IL1RAPL1: variants seen among roughly 807,000 people sequenced by gnomAD.
The protein encoded by IL1RAPL1 is interleukin 1 receptor accessory protein like 1, also known as interleukin-1 receptor accessory protein-like 1.
IL1RAPL1 carries 3 observed loss-of-function variants against 48.4 expected under a neutral mutation model. The ratio of observed to expected loss-of-function variants is 0.06; its 90% CI spans 0.03 to 0.16. The LOEUF (loss-of-function observed/expected upper bound fraction) is 0.16, where lower values mean the gene tolerates loss of function less well. IL1RAPL1 is among the 10% of genes least tolerant of loss of function. The pLI, the probability that IL1RAPL1 is intolerant of heterozygous loss-of-function variation, is 1.00. For missense variants in IL1RAPL1, 349 were observed against 530.6 expected, an observed-to-expected ratio of 0.66 and a Z score of 3.36; for synonymous variants, 185 against 187.7, an observed-to-expected ratio of 0.99 and a Z score of 0.12.
At chrX:29,523,226 A>G (rs1935520294) in intron 5 of IL1RAPL1, among the ~76,000 whole-genome samples, 1 of 111,464 alleles carries the variant, frequency 9.0e-6, no homozygotes, top group African/African-American at 3.3e-5. Context: ...ACACACGTTC[A>G]CATAGCTTTT....
chrX:29,154,513 C>T (rs1223506578), intron 2 of IL1RAPL1, among the ~76,000 whole-genome samples: 1 of 108,845 alleles, frequency 9.2e-6, no homozygotes, highest in East Asian at 2.9e-4. Flanking sequence ...GCACTCCAGC[C>T]TGAGTGACAG....
chrX:28,705,087 G>T (rs921153657), intron 1 of IL1RAPL1, among the ~76,000 whole-genome samples: 1 of 111,762 alleles, frequency 8.9e-6, no homozygotes, highest in African/African-American at 3.3e-5. Flanking sequence ...GGTATAGTGA[G>T]ATGTGTGGTT....
chrX:29,184,202 T>A (rs990474808), intron 2 of IL1RAPL1, among the ~76,000 whole-genome samples: 1 of 111,450 alleles, frequency 9.0e-6, no homozygotes, highest in African/African-American at 3.3e-5. Flanking sequence ...CCATTTCTCA[T>A]TTCTAGCCCA....
intron 1 of IL1RAPL1, among the ~76,000 whole-genome samples, chrX:28,625,727 A>C (rs1452283641): frequency 2.0e-5 from 2 of 97,712 alleles, no homozygotes; most frequent in Non-Finnish European, 4.1e-5. Context: ...CAAAGGAGCT[A>C]ATCAAAATGC....
At chrX:28,887,581 GT>G (rs1220884283) in intron 2 of IL1RAPL1, among the ~76,000 whole-genome samples, 1 of 111,110 alleles carries the variant, frequency 9.0e-6, no homozygotes, top group East Asian at 2.8e-4. Context: ...TCTGAATATA[GT>G]GACAATCATC....
At position 29,954,705 on chromosome X, in the gene IL1RAPL1, T is replaced by G. The variant is rs1305409868; in HGVS notation, c.1372+13T>G. 17 of 1,154,627 alleles carry G rather than the reference T, an allele frequency of 1.5e-5. No individual in the cohort carries two copies. Among genetic ancestry groups the G allele is most frequent in the Non-Finnish European group, 2.0e-5 (17 of 844,405 alleles). ...ATCCCAACTGGAAGTAAGTTAATGT[T>G]TTCATTTGAGAGTGTGCATATTCAT... On this transcript the variant is annotated intron_variant, in intron 10 of 10. Transcript: ENST00000378993.
intron 2 of IL1RAPL1, among the ~76,000 whole-genome samples, chrX:28,830,479 T>C (rs1475057568): frequency 8.9e-6 from 1 of 112,062 alleles, no homozygotes; most frequent in Non-Finnish European, 1.9e-5. Context: ...AACTCCAGAA[T>C]TTAAATTTGC....
intron 8 of IL1RAPL1, among the ~76,000 whole-genome samples, chrX:29,923,685 A>G (rs1335021632): frequency 8.9e-6 from 1 of 112,418 alleles, no homozygotes; most frequent in Non-Finnish European, 1.9e-5. Context: ...ACCCAGATAC[A>G]CTTGCTACTG....
chrX:29,160,870 A>G (rs923864808), intron 2 of IL1RAPL1, among the ~76,000 whole-genome samples: 1 of 112,002 alleles, frequency 8.9e-6, no homozygotes, highest in Admixed American at 9.5e-5. Flanking sequence ...CCTGGCCAAC[A>G]TGGTGAAACC....
chrX:29,716,359 G>A (rs1927484498), intron 6 of IL1RAPL1, among the ~76,000 whole-genome samples: 1 of 111,386 alleles, frequency 9.0e-6, no homozygotes, highest in African/African-American at 3.3e-5. Context: ...AGCCTTGCTT[G>A]TGATCATCTC....
At chrX:28,646,606 G>A (rs907679502) in intron 1 of IL1RAPL1, among the ~76,000 whole-genome samples, 1 of 112,390 alleles carries the variant, frequency 8.9e-6, no homozygotes, top group Admixed American at 9.4e-5. Context: ...GCAGAGCAGT[G>A]TGGCAATTCT....
chrX:29,778,083 A>C (rs1929250520), intron 6 of IL1RAPL1, among the ~76,000 whole-genome samples: 1 of 111,300 alleles, frequency 9.0e-6, no homozygotes, highest in African/African-American at 3.3e-5. Flanking sequence ...TGGAAGACAT[A>C]TCAATATCAC....
chrX:29,324,752 A>G (rs983561572), intron 3 of IL1RAPL1, among the ~76,000 whole-genome samples: 1 of 111,569 alleles, frequency 9.0e-6, no homozygotes, highest in African/African-American at 3.3e-5. Flanking sequence ...GGTGAGAGAC[A>G]AAAGGGCAGG....
intron 6 of IL1RAPL1, among the ~76,000 whole-genome samples, chrX:29,740,893 C>T (rs1454619760): frequency 8.9e-6 from 1 of 112,362 alleles, no homozygotes; most frequent in Admixed American, 9.5e-5. Context: ...CTTGCCCACA[C>T]GCTGTTCTCA....
intron 6 of IL1RAPL1, among the ~76,000 whole-genome samples, chrX:29,896,130 T>C (rs2147223614): frequency 8.9e-6 from 1 of 112,092 alleles, no homozygotes; most frequent in Non-Finnish European, 1.9e-5. Context: ...AGTGGAAGGC[T>C]ATCAGTGGAC....
chrX:29,634,042 T>C (rs1924883345), intron 5 of IL1RAPL1, among the ~76,000 whole-genome samples: 1 of 111,975 alleles, frequency 8.9e-6, no homozygotes, highest in Non-Finnish European at 1.9e-5. Flanking sequence ...TATAAAAATA[T>C]TGTACAGACA....
At chrX:29,267,648 TAAAA>T (rs750569196) in intron 2 of IL1RAPL1, among the ~76,000 whole-genome samples, 1 of 108,598 alleles carries the variant, frequency 9.2e-6, no homozygotes, top group Non-Finnish European at 1.9e-5. Context: ...AACACTGGAA[TAAAA>T]AAAAAATTCC....
At chrX:29,040,282 G>A (rs184379062) in intron 2 of IL1RAPL1, among the ~76,000 whole-genome samples, 56 of 112,350 alleles carry the variant, frequency 5.0e-4, no homozygotes, top group African/African-American at 1.8e-3. Flanking sequence ...GTGAATGGGT[G>A]ACAGGCAAGC....
chrX:29,642,104 T>G (rs1925184827), intron 5 of IL1RAPL1, among the ~76,000 whole-genome samples: 1 of 112,416 alleles, frequency 8.9e-6, no homozygotes, highest in South Asian at 3.7e-4. Context: ...GTCTAACAAT[T>G]TCTTAGACTT....
Sources: allele counts gnomAD v4.1 joint callset (sites outside exome capture counted in the v4.1 genomes callset), GRCh38; gene constraint gnomAD v4.1.1; transcripts MANE v1.5; gene names NCBI Gene and HGNC (gene_info 2026-07-23, HGNC 2026-07-21).